The following MTCH1 variants were observed in gnomAD, a reference collection of about 807,000 sequenced individuals.
The protein encoded by MTCH1 is mitochondrial carrier 1.
Under a neutral mutation model 49.3 loss-of-function variants are expected in MTCH1, and 23 were observed. That is an observed-to-expected ratio of 0.47 (90% CI 0.34 to 0.66). The LOEUF (loss-of-function observed/expected upper bound fraction) is 0.66. MTCH1 is among the 30% of genes least tolerant of loss of function. The probability of loss-of-function intolerance (pLI) is 0.01; values close to 1 mark genes in which losing one functional copy is unlikely to be tolerated. For synonymous variants in MTCH1, 229 were observed against 215.2 expected (o/e 1.06, Z -0.56); for missense variants, 397 against 532.1 (o/e 0.75, Z 2.50).
intron 1 of MTCH1, 76 bp from the exon 2 acceptor site, chr6:36,981,748 T>G: frequency 2.1e-5 from 26 of 1,238,214 alleles, no homozygotes; most frequent in Non-Finnish European, 2.8e-5. Flanking sequence ...CTCACACCTC[T>G]TGCCCCCTTT....
At chr6:36,976,682 A>C in intron 6 of MTCH1, 1 of 433,420 alleles carries the variant, frequency 2.3e-6, no homozygotes, top group Admixed American at 2.5e-5. Flanking sequence ...TGCCTCCAAG[A>C]CCCACCTCCG....
chr6:36,984,607 C>T (rs970129311), intron 1 of MTCH1, among the ~76,000 whole-genome samples: 43 of 152,180 alleles, frequency 2.8e-4, no homozygotes, highest in African/African-American at 8.0e-4. Context: ...CCTTCCTCCC[C>T]CCAAGCTTCT....
chr6:36,978,909 CTT>C (rs1763992909), intron 2 of MTCH1, among the ~76,000 whole-genome samples: 1 of 90,196 alleles, frequency 1.1e-5, no homozygotes, highest in South Asian at 3.8e-4. Context: ...GCTTTAAAAA[CTT>C]TACTTGGCAA....
chr6:36,981,758 T>G (rs1298756127), intron 1 of MTCH1, 86 bp from the exon 2 acceptor site: 1 of 1,097,138 alleles, frequency 9.1e-7, no homozygotes, highest in African/African-American at 1.6e-5. Context: ...TTGCCCCCTT[T>G]GCTTAACTCT....
chr6:36,970,346 G>T lies in MTCH1; in HGVS notation c.1022+60C>A, dbSNP rs1454884013. On this transcript the variant is annotated intron_variant, in intron 10 of 11. Coordinates refer to ENST00000373627, the MANE Select transcript of MTCH1 (RefSeq NM_001271641.2). ...GGCAGAGTGCTGGAAGGGCTCGGTG[G>T]GTCTCCCCCACCCCACAGCCTTGGT... 5 of 1,596,748 alleles carry T rather than the reference G, an allele frequency of 3.1e-6. No individual in the cohort carries two copies. The African/African-American group carries it at 6.7e-5, about 21-fold the overall frequency.
intron 1 of MTCH1, among the ~76,000 whole-genome samples, chr6:36,985,588 A>C (rs908835481): frequency 9.9e-5 from 15 of 151,906 alleles, no homozygotes; most frequent in Admixed American, 9.8e-4. Flanking sequence ...CACTCCCCCA[A>C]ATCGCTTGTT....
chr6:36,972,515 G>T lies in MTCH1; in HGVS notation c.906+137C>A. On this transcript the variant is annotated intron_variant, in intron 8 of 11. Coordinates refer to ENST00000373627, the MANE Select transcript of MTCH1 (RefSeq NM_001271641.2). This position sits in a 1 kb window ranked among gnomAD's most constrained non-coding sequence, Gnocchi z 4.1. ...TGAGGCCGTTCTCCCCTTAGACAAAGATGACTCCAGGGATAATGAGAGGTC... is the reference window on the plus strand; with the variant it reads ...TGAGGCCGTTCTCCCCTTAGACAAATATGACTCCAGGGATAATGAGAGGTC... 9.5e-7 allele frequency: 1 copy of T among 1,057,890 alleles called. No individual in the cohort carries two copies. 65.5% of individuals were successfully genotyped at this position (1,057,890 alleles called of 1,614,324 possible). A position where few individuals can be genotyped will look rare whatever the true frequency, so the allele number is the denominator to read the frequency against.
chr6:36,978,213 G>A (rs76776504), intron 3 of MTCH1, 58 bp from the exon 4 acceptor site: 139,497 of 1,462,230 alleles, frequency 0.095, 8,333 homozygotes, highest in African/African-American at 0.23. Flanking sequence ...GGAACTCTTC[G>A]GGGACTTGGG....
intron 1 of MTCH1, among the ~76,000 whole-genome samples, chr6:36,985,368 T>C (rs1387487177): frequency 6.6e-6 from 1 of 151,384 alleles, no homozygotes. Flanking sequence ...TCCGTTCCCC[T>C]CTACCCCAAT....
intron 7 of MTCH1, among the ~76,000 whole-genome samples, chr6:36,974,948 C>T (rs575974424): frequency 6.6e-5 from 10 of 152,322 alleles, no homozygotes; most frequent in Middle Eastern, 3.4e-3. Flanking sequence ...TACAACTCAT[C>T]AAGCCTGGCT....
chr6:36,984,902 T>C (rs759001921), intron 1 of MTCH1, among the ~76,000 whole-genome samples: 13 of 152,054 alleles, frequency 8.5e-5, no homozygotes, highest in Admixed American at 1.3e-4. Context: ...CCCGTGCCCC[T>C]TCTCCTCATC....
At chr6:36,984,958 G>A (rs1764243712) in intron 1 of MTCH1, among the ~76,000 whole-genome samples, 1 of 151,674 alleles carries the variant, frequency 6.6e-6, no homozygotes, top group South Asian at 2.1e-4. Context: ...CCCCAACTAT[G>A]ACTTCCATTT....
chr6:36,970,063 G>A lies in MTCH1; in HGVS notation c.1074C>T (p.His358=), dbSNP rs1289133591. 6.2e-7 allele frequency: 1 copy of A among 1,614,098 alleles called. No homozygotes were observed. Residue 358 remains histidine (H), a synonymous_variant, in exon 11 of 12, where the codon CAC becomes CAT. Coordinates refer to ENST00000373627, the MANE Select transcript of MTCH1 (RefSeq NM_001271641.2). ...PYSPVFKSWI[H]CWKYLSVQGQ... is the part of the protein sequence containing the mutation. Reference sequence around the variant, plus strand: ...CCTGCACACTCAGGTACTTCCAGCAGTGAATCCAGGATTTGAACACTGGGG... The same window carrying A: ...CCTGCACACTCAGGTACTTCCAGCAATGAATCCAGGATTTGAACACTGGGG...
intron 1 of MTCH1, among the ~76,000 whole-genome samples, chr6:36,985,010 C>T (rs1445576628): frequency 1.3e-5 from 2 of 151,848 alleles, no homozygotes; most frequent in Non-Finnish European, 2.9e-5. Context: ...CTTAAAGCCT[C>T]CTCCTAGCTC....
At chr6:36,978,045 C>A (rs1471396852) in intron 4 of MTCH1, 33 bp downstream of exon 4, 1 of 1,564,334 alleles carries the variant, frequency 6.4e-7, no homozygotes, top group Non-Finnish European at 8.8e-7. Flanking sequence ...CTCCCCTCCA[C>A]GCACCTCTCC....
At chr6:36,980,400 C>T (rs561594689) in intron 2 of MTCH1, among the ~76,000 whole-genome samples, 2 of 152,350 alleles carry the variant, frequency 1.3e-5, no homozygotes, top group South Asian at 2.1e-4. Flanking sequence ...CCATCTGCCC[C>T]GGCTGCCTTA....
At chr6:36,984,565 A>T (rs1383811215) in intron 1 of MTCH1, among the ~76,000 whole-genome samples, 2 of 152,072 alleles carry the variant, frequency 1.3e-5, no homozygotes, top group African/African-American at 4.8e-5. Context: ...GCCTCAACTC[A>T]AATCTTGGAT....
intron 6 of MTCH1, chr6:36,976,729 G>A: frequency 2.6e-6 from 1 of 381,878 alleles, no homozygotes; most frequent in Non-Finnish European, 5.3e-6. Context: ...ACCCAGGGCT[G>A]CACGCAGCAG....
intron 6 of MTCH1, chr6:36,976,407 C>T (rs777363945): frequency 1.3e-5 from 5 of 393,420 alleles, no homozygotes; most frequent in Admixed American, 3.2e-5. Flanking sequence ...TGGGTAGCCC[C>T]GGTCCCAGAT....
Sources: allele counts gnomAD v4.1 joint callset (sites outside exome capture counted in the v4.1 genomes callset), GRCh38; gene constraint gnomAD v4.1.1; non-coding constraint Gnocchi (gnomAD v3.1); transcripts MANE v1.5; gene names NCBI Gene and HGNC (gene_info 2026-07-23, HGNC 2026-07-21).